Variants in TSPAN18 observed in about 807,000 individuals in gnomAD.
The protein encoded by TSPAN18 is tetraspanin-18.
Under a neutral mutation model 27.3 loss-of-function variants are expected in TSPAN18, and 14 were observed. That is an observed-to-expected ratio of 0.51 (90% CI 0.34 to 0.80). The LOEUF (loss-of-function observed/expected upper bound fraction) is 0.80. TSPAN18 is among the 30% of genes least tolerant of loss of function. The pLI, the probability that TSPAN18 is intolerant of heterozygous loss-of-function variation, is 0.01. For synonymous variants in TSPAN18, 143 were observed against 136.5 expected (o/e 1.05, Z -0.33); for missense variants, 268 against 323.9 (o/e 0.83, Z 1.32).
In TSPAN18 at chr11:44,858,619, TGTTA is replaced by T. The variant is rs140966224; in HGVS notation, c.-152-1703_-152-1700del. 1.4e-4 allele frequency among the ~76,000 whole-genome samples: 21 copies of T among 152,266 alleles called. 1 individual carries two copies. In the East Asian group the frequency reaches 3.7e-3, roughly 27 times the overall value. On this transcript the variant is annotated intron_variant, in intron 2 of 9. Coordinates refer to ENST00000520358, the MANE Select transcript of TSPAN18 (RefSeq NM_130783.5). ...GTGAAGACTCCCCCCTCCATGGATC[TGTTA>T]GTTAGGTGGGTGATCTGGTTCTCTC...
intron 2 of TSPAN18, among the ~76,000 whole-genome samples, chr11:44,849,740 G>T (rs955102948): frequency 5.9e-5 from 9 of 152,182 alleles, no homozygotes; most frequent in African/African-American, 1.7e-4. Flanking sequence ...GATGAGGAAA[G>T]CACAGGCCAT....
intron 3 of TSPAN18, among the ~76,000 whole-genome samples, chr11:44,889,060 C>T (rs576998177): frequency 6.6e-6 from 1 of 152,236 alleles, no homozygotes; most frequent in Non-Finnish European, 1.5e-5. Flanking sequence ...TGAAGAGGTG[C>T]CTTCCGCCAT....
chr11:44,804,556 C>T (rs1020139864), intron 2 of TSPAN18, among the ~76,000 whole-genome samples: 2 of 152,106 alleles, frequency 1.3e-5, no homozygotes, highest in African/African-American at 2.4e-5. Context: ...AGGAGGGATG[C>T]CTTATTCATC....
upstream of TSPAN18, chr11:44,726,896 A>AGGGAGGGGGG (rs1357177700): frequency 4.6e-5 from 1 of 21,528 alleles, no homozygotes; most frequent in African/African-American, 2.1e-4. Context: ...GGGGAGGGGG[A>AGGGAGGGGGG]GGGAGGGCGG....
chr11:44,830,571 A>G (rs879599764), intron 2 of TSPAN18, among the ~76,000 whole-genome samples: 7 of 152,176 alleles, frequency 4.6e-5, no homozygotes, highest in African/African-American at 7.2e-5. Context: ...ATTTTCTTTG[A>G]TCCTATGAGG....
At chr11:44,841,298 C>G (rs1253593568) in intron 2 of TSPAN18, among the ~76,000 whole-genome samples, 1 of 152,176 alleles carries the variant, frequency 6.6e-6, no homozygotes, top group Non-Finnish European at 1.5e-5. Flanking sequence ...AGGTGGATCA[C>G]TTGAGGTCAG....
rs368133297 is a variant in TSPAN18 at position 44,880,470 on chromosome 11, G to C, written c.-11+20001G>C. ...TAGTGATGTTATTAGCAGTAAATGA[G>C]AGTGCGGGTGAAGCACACAGAAGGT... On this transcript the variant is annotated intron_variant, in intron 3 of 9. Coordinates refer to ENST00000520358, the MANE Select transcript of TSPAN18 (RefSeq NM_130783.5). Among the ~76,000 whole-genome samples, 8 of 152,296 alleles carry C rather than the reference G, an allele frequency of 5.3e-5. No individual in the cohort carries two copies. The South Asian group carries it at 6.2e-4, about 12-fold the overall frequency.
chr11:44,875,534 A>G (rs141265367), intron 3 of TSPAN18, among the ~76,000 whole-genome samples: 47 of 152,342 alleles, frequency 3.1e-4, no homozygotes, highest in African/African-American at 1.1e-3. Flanking sequence ...GCTTGCTCTC[A>G]TTACGAAATG....
At chr11:44,886,912 T>C (rs1858674520) in intron 3 of TSPAN18, among the ~76,000 whole-genome samples, 1 of 152,146 alleles carries the variant, frequency 6.6e-6, no homozygotes, top group Non-Finnish European at 1.5e-5. Context: ...CCTGGGTATA[T>C]ATTGTCTGTG....
At chr11:44,842,841 TA>T (rs1456488863) in intron 2 of TSPAN18, among the ~76,000 whole-genome samples, 1 of 152,144 alleles carries the variant, frequency 6.6e-6, no homozygotes, top group East Asian at 1.9e-4. Context: ...TCATCCAGAT[TA>T]AAGTATAGAA....
At chr11:44,747,468 G>T (rs528064178) in intron 1 of TSPAN18, among the ~76,000 whole-genome samples, 2 of 152,170 alleles carry the variant, frequency 1.3e-5, no homozygotes, top group Non-Finnish European at 2.9e-5. Context: ...AGGAGGGACT[G>T]TTTGTACTGA....
At chr11:44,853,948 C>T (rs906427314) in intron 2 of TSPAN18, among the ~76,000 whole-genome samples, 5 of 152,102 alleles carry the variant, frequency 3.3e-5, no homozygotes, top group African/African-American at 1.2e-4. Context: ...AAATTGCTGC[C>T]CATTATACCT....
chr11:44,885,674 C>T (rs1357903267), intron 3 of TSPAN18, among the ~76,000 whole-genome samples: 1 of 152,168 alleles, frequency 6.6e-6, no homozygotes. Context: ...TGACTCCCTC[C>T]TGTCCATCTA....
Position 44,767,244 on chromosome 11 carries a change from A to G in TSPAN18, c.-153+2732A>G, listed in dbSNP as rs143221236. Among the ~76,000 whole-genome samples the G allele has an allele frequency of 6.4e-3, 982 of 152,312 alleles. 7 individuals carry two copies. Among genetic ancestry groups the G allele is most frequent in the African/African-American group, 0.023 (950 of 41,568 alleles). On this transcript the variant is annotated intron_variant, in intron 2 of 9. Transcript: ENST00000520358. ...CCCAAGCCTCTAGCTGATGGCTGAC[A>G]CTTCACTCACAGCCATCTTTACTGG...
chr11:44,779,857 G>A (rs1855896506), intron 2 of TSPAN18, among the ~76,000 whole-genome samples: 2 of 151,130 alleles, frequency 1.3e-5, no homozygotes, highest in African/African-American at 4.9e-5. Flanking sequence ...ACACATCCCT[G>A]TGGACACCTA....
chr11:44,798,345 C>T (rs757650946), intron 2 of TSPAN18, among the ~76,000 whole-genome samples: 50 of 150,790 alleles, frequency 3.3e-4, no homozygotes, highest in Non-Finnish European at 5.6e-4. Flanking sequence ...GTACTGTCAT[C>T]ACCATCCTCA....
At chr11:44,791,062 T>G (rs907003325) in intron 2 of TSPAN18, among the ~76,000 whole-genome samples, 2 of 152,222 alleles carry the variant, frequency 1.3e-5, no homozygotes, top group African/African-American at 2.4e-5. Context: ...CTGGTTCCCA[T>G]GGCCTGGTGT....
intron 2 of TSPAN18, among the ~76,000 whole-genome samples, chr11:44,838,006 C>A (rs1028460413): frequency 6.6e-6 from 1 of 152,082 alleles, no homozygotes; most frequent in Non-Finnish European, 1.5e-5. Context: ...ATGCTTGTAT[C>A]CACCCAAATA....
upstream of TSPAN18, chr11:44,726,919 A>AGGGCGGGGGAGGGGAGGGG (rs1241743756): frequency 1.9e-4 from 2 of 10,702 alleles, no homozygotes; most frequent in Admixed American, 8.7e-4. Context: ...GAGGGGAGGG[A>AGGGCGGGGGAGGGGAGGGG]CGGACGGCGG....
Sources: gnomAD v4.1 joint callset for allele counts (sites outside exome capture counted in the v4.1 genomes callset) on GRCh38, gnomAD v4.1.1 for gene constraint, MANE v1.5 for transcripts, NCBI Gene and HGNC (gene_info 2026-07-23, HGNC 2026-07-21) for gene names.